IGSF23: variants seen among roughly 807,000 people sequenced by gnomAD.
IGSF23 encodes the protein immunoglobulin superfamily, member 23.
Under a neutral mutation model 17.8 loss-of-function variants are expected in IGSF23, and 14 were observed. The observed-to-expected ratio is 0.79, with a 90% CI of 0.52 to 1.23. The LOEUF (loss-of-function observed/expected upper bound fraction) is 1.23. Among genes scored for constraint, IGSF23 ranks in the 50% most tolerant of loss-of-function variants. The pLI, the probability that IGSF23 is intolerant of heterozygous loss-of-function variation, is 0.00. For synonymous variants in IGSF23, 85 were observed against 92.5 expected (o/e 0.92, Z 0.46); for missense variants, 214 against 241.7 (o/e 0.89, Z 0.76).
At chr19:44,619,959 T>G (rs1972475395) in intron 1 of IGSF23, among the ~76,000 whole-genome samples, 1 of 152,184 alleles carries the variant, frequency 6.6e-6, no homozygotes, top group African/African-American at 2.4e-5. Flanking sequence ...ATTCTGATGC[T>G]CTAACAAAGA....
chr19:44,619,989 G>A (rs764456920), intron 1 of IGSF23, among the ~76,000 whole-genome samples: 12 of 152,252 alleles, frequency 7.9e-5, no homozygotes, highest in African/African-American at 2.9e-4. Flanking sequence ...TTCCAGTGTC[G>A]GCCAGGCGCA....
chr19:44,627,626 G>A, intron 3 of IGSF23, 53 bp downstream of exon 3: 2 of 1,507,106 alleles, frequency 1.3e-6, no homozygotes, highest in Non-Finnish European at 1.8e-6. Flanking sequence ...CAGCCCCCAT[G>A]GGGCACAGAG....
chr19:44,624,522 T>G (rs1310591527), intron 2 of IGSF23, among the ~76,000 whole-genome samples: 4 of 151,542 alleles, frequency 2.6e-5, no homozygotes, highest in Non-Finnish European at 5.9e-5. Flanking sequence ...TGGGCTCGAG[T>G]GATCCACCCA....
At chr19:44,626,787 T>C (rs1482128072) in intron 2 of IGSF23, among the ~76,000 whole-genome samples, 2 of 152,030 alleles carry the variant, frequency 1.3e-5, no homozygotes, top group Non-Finnish European at 2.9e-5. Flanking sequence ...CTGGGAATGG[T>C]GGCATGTGCC....
chr19:44,619,459 C>A (rs879432406), intron 1 of IGSF23, among the ~76,000 whole-genome samples: 7 of 152,212 alleles, frequency 4.6e-5, no homozygotes, highest in Non-Finnish European at 1.0e-4. Flanking sequence ...CTCAAACTTT[C>A]ATATCTGAAT....
chr19:44,614,485 T>A (rs1972324394), intron 1 of IGSF23, among the ~76,000 whole-genome samples: 1 of 152,184 alleles, frequency 6.6e-6, no homozygotes, highest in Non-Finnish European at 1.5e-5. Context: ...CAGGCTACAG[T>A]GCAGTGGCCC....
chr19:44,629,787 C>A (rs1362425193), intron 3 of IGSF23, among the ~76,000 whole-genome samples: 1 of 151,904 alleles, frequency 6.6e-6, no homozygotes, highest in Non-Finnish European at 1.5e-5. Context: ...GCGGGCACCA[C>A]CATGCCCAGC....
intron 2 of IGSF23, among the ~76,000 whole-genome samples, chr19:44,626,589 C>A (rs938528564): frequency 1.3e-5 from 2 of 152,140 alleles, no homozygotes; most frequent in Non-Finnish European, 2.9e-5. Flanking sequence ...GAAGAAGGGA[C>A]ACCTGAGCTG....
chr19:44,629,190 T>C (rs1568489945), intron 3 of IGSF23, among the ~76,000 whole-genome samples: 1 of 152,162 alleles, frequency 6.6e-6, no homozygotes, highest in African/African-American at 2.4e-5. Flanking sequence ...GAGGGTCTAG[T>C]GCAAGGGAAG....
At chr19:44,628,584 C>T (rs1019136841) in intron 3 of IGSF23, among the ~76,000 whole-genome samples, 1 of 151,948 alleles carries the variant, frequency 6.6e-6, no homozygotes, top group Admixed American at 6.6e-5. Context: ...ATCTTGTCAT[C>T]TCTCTCAAAA....
intron 3 of IGSF23, among the ~76,000 whole-genome samples, chr19:44,633,346 G>T (rs1972811241): frequency 1.3e-5 from 2 of 152,220 alleles, no homozygotes; most frequent in South Asian, 4.1e-4. Context: ...CGGGAACTTT[G>T]TCTTTCCGCT....
At chr19:44,615,270 C>G (rs540662239) in intron 1 of IGSF23, among the ~76,000 whole-genome samples, 7 of 151,744 alleles carry the variant, frequency 4.6e-5, no homozygotes, top group Non-Finnish European at 7.4e-5. Flanking sequence ...GCCTGGGCGA[C>G]AGAGCACGAC....
chr19:44,614,752 T>C (rs947025393), intron 1 of IGSF23, among the ~76,000 whole-genome samples: 3 of 152,044 alleles, frequency 2.0e-5, no homozygotes, highest in Admixed American at 1.3e-4. Context: ...TTCTAAGTGC[T>C]TTCCTATAGT....
intron 1 of IGSF23, among the ~76,000 whole-genome samples, chr19:44,618,561 ATC>A (rs1462453964): frequency 2.0e-5 from 3 of 152,146 alleles, no homozygotes; most frequent in African/African-American, 7.2e-5. Context: ...TCAATCACTT[ATC>A]TAGCTGGACA....
intron 2 of IGSF23, among the ~76,000 whole-genome samples, chr19:44,625,617 T>C (rs2123721870): frequency 6.6e-6 from 1 of 152,182 alleles, no homozygotes; most frequent in South Asian, 2.1e-4. Context: ...GGTGACTGAG[T>C]TTGGCAGAAC....
In IGSF23 at chr19:44,627,599, A is replaced by G. The variant is rs779523962; in HGVS notation, c.545+26A>G. The G allele has an allele frequency of 2.0e-6, 3 of 1,535,880 alleles. No individual in the cohort carries two copies. In the South Asian group the frequency reaches 3.6e-5, roughly 19 times the overall value. On this transcript the variant is annotated intron_variant, in intron 3 of 4. Transcript: ENST00000402988. ...GTACCTCTATCCCTCACCCCCGTCC[A>G]CTGGGCAACATCCACTCAGCCCCCA...
chr19:44,629,620 ATTATATGCTTTC>A (rs1290589462), intron 3 of IGSF23, among the ~76,000 whole-genome samples: 1 of 143,800 alleles, frequency 7.0e-6, no homozygotes, highest in African/African-American at 2.6e-5. Flanking sequence ...TTGAGCACCT[ATTATATGCTTTC>A]TTTTTTTTTT....
At chr19:44,623,676 T>C in intron 1 of IGSF23, 31 bp from the exon 2 acceptor site, 1 of 1,548,592 alleles carries the variant, frequency 6.5e-7, no homozygotes, top group Non-Finnish European at 8.7e-7. Flanking sequence ...GACTCCACTC[T>C]TGTGGCCTTG....
intron 2 of IGSF23, among the ~76,000 whole-genome samples, chr19:44,624,777 G>T (rs1031121143): frequency 6.6e-6 from 1 of 151,476 alleles, no homozygotes; most frequent in African/African-American, 2.4e-5. Flanking sequence ...AATCTAAGGA[G>T]TGGGCCAGGT....
Sources: gnomAD v4.1 joint callset for allele counts (sites outside exome capture counted in the v4.1 genomes callset) on GRCh38, gnomAD v4.1.1 for gene constraint, MANE v1.5 for transcripts, NCBI Gene and HGNC (gene_info 2026-07-23, HGNC 2026-07-21) for gene names.